Variants in ERICH1 observed in about 807,000 individuals in gnomAD.
The protein encoded by ERICH1 is glutamate-rich protein 1.
ERICH1 carries 56 observed loss-of-function variants against 39.6 expected under a neutral mutation model. That is an observed-to-expected ratio of 1.41 (90% confidence interval 1.14 to 1.77). ERICH1 has a LOEUF of 1.77. Among genes scored for constraint, ERICH1 ranks in the 40% most tolerant of loss-of-function variants. The probability of loss-of-function intolerance (pLI) is 0.00; values close to 1 mark genes in which losing one functional copy is unlikely to be tolerated. For synonymous variants in ERICH1, 313 were observed against 223.6 expected, an observed-to-expected ratio of 1.40 and a Z score of -3.57; for missense variants, 826 against 575.4, an observed-to-expected ratio of 1.44 and a Z score of -4.45.
At chr8:706,905 G>C (rs1002906502) in intron 2 of ERICH1, among the ~76,000 whole-genome samples, 4 of 152,208 alleles carry the variant, frequency 2.6e-5, no homozygotes, top group Non-Finnish European at 5.9e-5. Flanking sequence ...ATAGTGTTAA[G>C]AAGACAATAC....
chr8:655,386 G>C (rs1397854902), intron 3 of ERICH1, among the ~76,000 whole-genome samples: 3 of 152,246 alleles, frequency 2.0e-5, no homozygotes, highest in Non-Finnish European at 4.4e-5. Flanking sequence ...ACACCCAGGA[G>C]CGTATGTAAT....
At chr8:666,062 A>C (rs1802189924) in intron 5 of ERICH1, 3 of 152,366 alleles carry the variant, frequency 2.0e-5, no homozygotes, top group African/African-American at 7.2e-5. Flanking sequence ...TATCCTACAG[A>C]ACTCAAAGGA....
intron 3 of ERICH1, among the ~76,000 whole-genome samples, chr8:682,733 A>C (rs1806415332): frequency 6.6e-6 from 1 of 152,356 alleles, no homozygotes; most frequent in African/African-American, 2.4e-5. Context: ...ATTCTGATGA[A>C]CTGCTGGAGT....
exon 4 of ERICH1, chr8:615,105 G>C (rs1050345391): frequency 3.3e-6 from 2 of 601,624 alleles, no homozygotes; most frequent in South Asian, 2.1e-5. Flanking sequence ...GCCTTGCAAA[G>C]CTTGCTGCAT....
chr8:666,255 G>C (rs916782895), intron 5 of ERICH1: 1 of 152,130 alleles, frequency 6.6e-6, no homozygotes, highest in African/African-American at 2.4e-5. Context: ...TTTCAGAAAA[G>C]CCTCAAGTGT....
intron 3 of ERICH1, among the ~76,000 whole-genome samples, chr8:625,082 G>C (rs1455304940): frequency 6.6e-6 from 1 of 152,136 alleles, no homozygotes; most frequent in South Asian, 2.1e-4. Context: ...GAACAGCGAG[G>C]TGGATTCCAC....
downstream of ERICH1, among the ~76,000 whole-genome samples, chr8:662,942 C>T (rs984366987): frequency 5.9e-5 from 9 of 152,150 alleles, no homozygotes; most frequent in African/African-American, 2.2e-4. Context: ...GAAGCAGCGG[C>T]GCCTGCAGCT....
In ERICH1 at chr8:642,609, G is replaced by A. The variant is rs190786416; in HGVS notation, c.976+25989C>T. Among the ~76,000 whole-genome samples the A allele has an allele frequency of 1.8e-4, 27 of 151,916 alleles. No homozygotes were observed. The East Asian group carries it at 5.0e-3, about 28-fold the overall frequency. On this transcript the variant is annotated intron_variant, in intron 3 of 3. Transcript: ENST00000522706. Reference sequence around the variant, plus strand: ...TCTGCCCGCCTCGGCCTCCCAAAGTGGAAATTTTTTTTTTTAAGTTACAGA... The same window carrying A: ...TCTGCCCGCCTCGGCCTCCCAAAGTAGAAATTTTTTTTTTTAAGTTACAGA...
intron 3 of ERICH1, 28 bp downstream of exon 3, chr8:692,450 C>G (rs1809113518): frequency 6.2e-7 from 1 of 1,613,772 alleles, no homozygotes; most frequent in South Asian, 1.1e-5. Context: ...GCAAAGATGT[C>G]TACCTTTCCT....
At chr8:658,389 G>T (rs1445692816) in intron 3 of ERICH1, among the ~76,000 whole-genome samples, 1 of 152,190 alleles carries the variant, frequency 6.6e-6, no homozygotes, top group African/African-American at 2.4e-5. Flanking sequence ...CCGGAAGGGG[G>T]TGGAGACACA....
At chr8:655,660 A>ATTCCTTCC (rs57152332) in intron 3 of ERICH1, among the ~76,000 whole-genome samples, 12,022 of 142,930 alleles carry the variant, frequency 0.084, 682 homozygotes, top group Middle Eastern at 0.13. Flanking sequence ...TGTCCTCTGC[A>ATTCCTTCC]TTCCTTCCTT....
intron 1 of ERICH1, among the ~76,000 whole-genome samples, chr8:726,161 G>A (rs1045553476): frequency 6.6e-6 from 1 of 152,158 alleles, no homozygotes; most frequent in Non-Finnish European, 1.5e-5. Context: ...AGAAAAAGGG[G>A]CCTCTTTCCA....
At chr8:633,400 G>C (rs1220241967) in intron 3 of ERICH1, among the ~76,000 whole-genome samples, 1 of 152,182 alleles carries the variant, frequency 6.6e-6, no homozygotes, top group African/African-American at 2.4e-5. Flanking sequence ...AACAGCATGG[G>C]TAAATCTCAA....
At chr8:692,357 A>G (rs1703896) in intron 3 of ERICH1, 121 bp downstream of exon 3, 379,569 of 1,418,192 alleles carry the variant, frequency 0.27, 52,971 homozygotes, top group East Asian at 0.45. Flanking sequence ...TATACAGTGT[A>G]ACAACATGCT....
chr8:726,444 C>A (rs1214007053), intron 1 of ERICH1, among the ~76,000 whole-genome samples: 2 of 151,980 alleles, frequency 1.3e-5, no homozygotes, highest in East Asian at 1.9e-4. Flanking sequence ...CACGTGTACA[C>A]AGGCACACAA....
chr8:670,307 C>A (rs912549635), intron 4 of ERICH1, among the ~76,000 whole-genome samples: 4 of 151,038 alleles, frequency 2.6e-5, no homozygotes, highest in Non-Finnish European at 3.0e-5. Flanking sequence ...ATAACATCGG[C>A]CTCTCCCACT....
chr8:679,747 A>G (rs1805697201), intron 3 of ERICH1, among the ~76,000 whole-genome samples: 1 of 152,250 alleles, frequency 6.6e-6, no homozygotes, highest in South Asian at 2.1e-4. Flanking sequence ...GTCCTGTGAC[A>G]TCACTGTGGT....
At chr8:650,092 C>T (rs1466516178) in intron 3 of ERICH1, among the ~76,000 whole-genome samples, 1 of 152,224 alleles carries the variant, frequency 6.6e-6, no homozygotes, top group Non-Finnish European at 1.5e-5. Flanking sequence ...AGAACAAGGC[C>T]GGAAGGTTGC....
At chr8:620,014 T>C (rs947926866) in intron 3 of ERICH1, among the ~76,000 whole-genome samples, 4 of 152,088 alleles carry the variant, frequency 2.6e-5, no homozygotes, top group Admixed American at 1.3e-4. Flanking sequence ...AATAAGGACA[T>C]ATACAAAACA....
Sources: allele counts gnomAD v4.1 joint callset (sites outside exome capture counted in the v4.1 genomes callset), GRCh38; gene constraint gnomAD v4.1.1; transcripts MANE v1.5; gene names NCBI Gene and HGNC (gene_info 2026-07-23, HGNC 2026-07-21).